Variants in SMARCA2 observed in about 807,000 individuals in gnomAD.
The protein encoded by SMARCA2 is SWI/SNF-related matrix-associated actin-dependent regulator of chromatin subfamily A member 2.
Under a neutral mutation model 199.8 loss-of-function variants are expected in SMARCA2, and 61 were observed. The observed-to-expected ratio is 0.31, with a 90% CI of 0.25 to 0.38. The LOEUF is 0.38. Among genes scored for constraint, SMARCA2 ranks in the 10% least tolerant of loss-of-function variants. The pLI is 1.00. For missense variants in SMARCA2, 1,344 were observed against 2,012.2 expected (o/e 0.67, Z 6.35); for synonymous variants, 935 against 732.0 (o/e 1.28, Z -4.48).
Position 2,161,878 on chromosome 9 carries a change from G to C in SMARCA2, c.4174G>C (p.Asp1392His). 2 of 1,613,920 alleles carry C rather than the reference G, an allele frequency of 1.2e-6. No individual in the cohort carries two copies. The highest frequency in any genetic ancestry group is 1.7e-6 in the Non-Finnish European group (2 of 1,179,840). The stretch of plus-strand genomic sequence containing the variant: ...GACAAAGCAGATGAACGCTATCATC[G>C]ATACTGTGATAAACTACAAAGATAG... ...KLTKQMNAII[D>H]TVINYKDRCN... Residue 1392 changes from aspartate to histidine, a missense_variant, in exon 28 of 34, where the codon GAT becomes CAT. Transcript: ENST00000349721. This position sits in a 1 kb window ranked among gnomAD's most constrained non-coding sequence, Gnocchi z 4.7.
intron 30 of SMARCA2, 106 bp from the exon 31 acceptor site, chr9:2,182,035 T>A: frequency 1.2e-6 from 1 of 814,276 alleles, no homozygotes; most frequent in East Asian, 2.4e-5. Context: ...TGGCAGGGCT[T>A]TATGCTGTGA....
rs886063796 is a variant in SMARCA2, at chr9:2,192,695, T to A, written c.4738-9T>A. 4 of 1,595,006 alleles carry A rather than the reference T, an allele frequency of 2.5e-6. No individual in the cohort carries two copies. The highest frequency in any genetic ancestry group is 3.4e-6 in the Non-Finnish European group (4 of 1,162,598). On this transcript the variant is annotated splice_polypyrimidine_tract_variant and intron_variant, in intron 33 of 33. Transcript: ENST00000349721. ...TTACTTCATTTTATCTTCTTATTTTTACTTTTAGGAACAGTCAGAAGGAAG... is the reference window on the plus strand; with the variant it reads ...TTACTTCATTTTATCTTCTTATTTTAACTTTTAGGAACAGTCAGAAGGAAG...
intron 9 of SMARCA2, among the ~76,000 whole-genome samples, chr9:2,061,608 C>G (rs1367809706): frequency 6.6e-6 from 1 of 152,154 alleles, no homozygotes; most frequent in African/African-American, 2.4e-5. Flanking sequence ...CAAGAGTAAC[C>G]TGCTGAGGAT....
rs1395104285 is a variant in SMARCA2, at chr9:2,078,338, G to T, written c.2184+562G>T. Among the ~76,000 whole-genome samples, 11 of 152,034 alleles carry T rather than the reference G, an allele frequency of 7.2e-5. 1 individual carries two copies. Among genetic ancestry groups the T allele is most frequent in the Admixed American group, 6.6e-4 (10 of 15,260 alleles). On this transcript the variant is annotated intron_variant, in intron 14 of 33. Transcript: ENST00000349721. Reference sequence around the variant, plus strand: ...AATACAAAAATTAGCTGGGTGTGGTGGCACATGCCTGTAATCCCGGCTACT... The same window carrying T: ...AATACAAAAATTAGCTGGGTGTGGTTGCACATGCCTGTAATCCCGGCTACT...
intron 1 of SMARCA2, among the ~76,000 whole-genome samples, chr9:2,019,192 G>C (rs1392474444): frequency 6.6e-6 from 1 of 151,940 alleles, no homozygotes; most frequent in East Asian, 1.9e-4. Flanking sequence ...GGGGGCATCA[G>C]AGAGATGCCA....
chr9:2,095,164 C>T (rs564913194), intron 19 of SMARCA2, among the ~76,000 whole-genome samples: 1 of 151,728 alleles, frequency 6.6e-6, no homozygotes, highest in Admixed American at 6.6e-5. Context: ...CAGCTCACTG[C>T]AACCTCCGCC....
At position 2,054,805 on chromosome 9, in the gene SMARCA2, C is replaced by T; in HGVS notation, c.1173+82C>T. ...AAGTGTTATCTGTGTTGCCTTTAGTCTATTCAATATTGTTACAAAGATATA... is the reference window on the plus strand; with the variant it reads ...AAGTGTTATCTGTGTTGCCTTTAGTTTATTCAATATTGTTACAAAGATATA... On this transcript the variant is annotated intron_variant, in intron 6 of 33. Transcript: ENST00000349721. 2.1e-6 allele frequency: 3 copies of T among 1,404,662 alleles called. No homozygotes were observed. In the Middle Eastern group the frequency reaches 5.4e-4, roughly 254 times the overall value. The allele number at this position is 1,404,662 out of a possible 1,614,324, so 87.0% of individuals were successfully genotyped here.
In SMARCA2 at chr9:2,132,552, G is replaced by A. The variant is rs140703367; in HGVS notation, c.3981+8615G>A. ...TTTAAAATCTTTTCTTGCTTTTTCT[G>A]TAAGATGTGAGAAGCTTTGTAAACA... On this transcript the variant is annotated intron_variant, in intron 27 of 33. Coordinates refer to ENST00000349721, the MANE Select transcript of SMARCA2 (RefSeq NM_003070.5). Among the ~76,000 whole-genome samples, 4 of 152,250 alleles carry A rather than the reference G, an allele frequency of 2.6e-5. No individual in the cohort carries two copies. The East Asian group carries it at 5.8e-4, about 22-fold the overall frequency.
chr9:2,128,058 G>A (rs1461906097), intron 27 of SMARCA2, among the ~76,000 whole-genome samples: 1 of 152,034 alleles, frequency 6.6e-6, no homozygotes, highest in Admixed American at 6.5e-5. Flanking sequence ...TCAAGTTAAC[G>A]TCATCTTTTT....
rs781008480 is a variant in SMARCA2, at chr9:2,170,580, C to T, written c.4253+108C>T. The T allele has an allele frequency of 4.5e-6, 7 of 1,559,650 alleles. No individual in the cohort carries two copies. Among genetic ancestry groups the T allele is most frequent in the African/African-American group, 1.4e-5 (1 of 74,064 alleles). The stretch of plus-strand genomic sequence containing the variant: ...TTTGGAAGCAAATTTCTTCGGTCAC[C>T]TCCTGATCACCCCTACTTGGAGAGC... On this transcript the variant is annotated intron_variant, in intron 29 of 33. Coordinates refer to ENST00000349721, the MANE Select transcript of SMARCA2 (RefSeq NM_003070.5). The surrounding 1 kb of genome is among the most constrained non-coding windows in gnomAD (Gnocchi z 4.7).
intron 27 of SMARCA2, among the ~76,000 whole-genome samples, chr9:2,131,397 TC>T (rs942868594): frequency 1.3e-5 from 2 of 152,196 alleles, no homozygotes; most frequent in African/African-American, 4.8e-5. Context: ...TTTTGTGATG[TC>T]CTGTGCAGTT....
rs1282999845 is a variant in SMARCA2, at chr9:2,047,270, C to A, written c.832C>A (p.Leu278Met). The part of the protein sequence containing the change: ...ELSGPSTPQK[L>M]PVPAPGGRPS... ...GAGCGGCCCGAGCACCCCGCAGAAGCTGCCGGTGCCCGCGCCCGGCGGCCG... is the reference window on the plus strand; with the variant it reads ...GAGCGGCCCGAGCACCCCGCAGAAGATGCCGGTGCCCGCGCCCGGCGGCCG... Residue 278 changes from leucine to methionine, a missense_variant, in exon 5 of 34, where the codon CTG becomes ATG. Transcript: ENST00000349721. 11 of 1,006,192 alleles carry A rather than the reference C, an allele frequency of 1.1e-5. No individual in the cohort carries two copies. Among genetic ancestry groups the A allele is most frequent in the Non-Finnish European group, 1.2e-5 (10 of 844,300 alleles). 62.3% of individuals were successfully genotyped at this position (1,006,192 alleles called of 1,614,324 possible).
At chr9:2,021,409 A>C (rs1818595318) in intron 1 of SMARCA2, among the ~76,000 whole-genome samples, 1 of 152,240 alleles carries the variant, frequency 6.6e-6, no homozygotes, top group Non-Finnish European at 1.5e-5. Flanking sequence ...AGGTTATCCA[A>C]GGGAAATTCT....
intron 29 of SMARCA2, among the ~76,000 whole-genome samples, chr9:2,176,304 C>T (rs1456319928): frequency 6.7e-6 from 1 of 149,908 alleles, no homozygotes; most frequent in South Asian, 2.1e-4. Flanking sequence ...GTTTTGGCTG[C>T]TTTGAATTAT....
At chr9:2,105,775 G>C (rs1425571296) in intron 23 of SMARCA2, among the ~76,000 whole-genome samples, 1 of 152,126 alleles carries the variant, frequency 6.6e-6, no homozygotes, top group Non-Finnish European at 1.5e-5. Context: ...TCAAGTGAGG[G>C]GCTGTGGGGT....
intron 27 of SMARCA2, among the ~76,000 whole-genome samples, chr9:2,127,259 T>C (rs944067160): frequency 7.2e-5 from 11 of 152,222 alleles, no homozygotes. Flanking sequence ...CTCTGTATCT[T>C]GTTAGAATTT....
chr9:2,135,405 C>A (rs1824149354), intron 27 of SMARCA2, among the ~76,000 whole-genome samples: 2 of 152,192 alleles, frequency 1.3e-5, no homozygotes, highest in South Asian at 4.1e-4. Flanking sequence ...TACCAACTAT[C>A]TGGGCATCCC....
At chr9:2,132,671 C>T (rs915167986) in intron 27 of SMARCA2, among the ~76,000 whole-genome samples, 5 of 152,096 alleles carry the variant, frequency 3.3e-5, no homozygotes, top group Non-Finnish European at 7.4e-5. Context: ...GCTGCATTTC[C>T]GTTTTTATAC....
At chr9:2,108,870 G>T (rs762813213) in intron 23 of SMARCA2, among the ~76,000 whole-genome samples, 57 of 152,172 alleles carry the variant, frequency 3.7e-4, no homozygotes, top group Non-Finnish European at 7.3e-4. Flanking sequence ...ACAGTTGATT[G>T]TGTCGGACCT....
Sources: gnomAD v4.1 joint callset for allele counts (sites outside exome capture counted in the v4.1 genomes callset) on GRCh38, gnomAD v4.1.1 for gene constraint, Gnocchi (gnomAD v3.1) non-coding constraint, MANE v1.5 for transcripts, NCBI Gene and HGNC (gene_info 2026-07-23, HGNC 2026-07-21) for gene names.